KCNK2: variants seen among roughly 807,000 people sequenced by gnomAD.
The protein encoded by KCNK2 is potassium two pore domain channel subfamily K member 2, also known as potassium channel subfamily K member 2.
Under a neutral mutation model 40.5 loss-of-function variants are expected in KCNK2, and 21 were observed. That is an observed-to-expected ratio of 0.52 (90% CI 0.37 to 0.75). The LOEUF (loss-of-function observed/expected upper bound fraction) is 0.75, where lower values mean the gene tolerates loss of function less well. KCNK2 is among the 30% of genes least tolerant of loss of function. The probability of loss-of-function intolerance (pLI) is 0.00; values close to 1 mark genes in which losing one functional copy is unlikely to be tolerated. For synonymous variants in KCNK2, 191 were observed against 202.2 expected (o/e 0.94, Z 0.47); for missense variants, 399 against 531.6 (o/e 0.75, Z 2.45).
intron 1 of KCNK2, among the ~76,000 whole-genome samples, chr1:215,054,960 A>C (rs552489726): frequency 6.6e-6 from 1 of 152,374 alleles, no homozygotes; most frequent in South Asian, 2.1e-4. Context: ...ACACAACTCA[A>C]GTGTTAAATC....
At chr1:215,165,885 C>T (rs966413755) in intron 3 of KCNK2, among the ~76,000 whole-genome samples, 4 of 152,082 alleles carry the variant, frequency 2.6e-5, no homozygotes, top group African/African-American at 9.7e-5. Context: ...GGTCACATAA[C>T]TAAGGAATGA....
At chr1:215,200,539 AAACTTTAGGG>A (rs1287460288) in intron 6 of KCNK2, among the ~76,000 whole-genome samples, 3 of 44,854 alleles carry the variant, frequency 6.7e-5, no homozygotes, top group Non-Finnish European at 4.6e-4. Context: ...TTTATTCAGA[AAACTTTAGGG>A]AGCCATTGAA....
upstream of KCNK2, chr1:215,005,663 T>C (rs1371988203): frequency 2.5e-6 from 1 of 403,892 alleles, no homozygotes. Context: ...ATCAGGGAAT[T>C]TCTTCCTGAA....
intron 6 of KCNK2, among the ~76,000 whole-genome samples, chr1:215,210,120 TATAA>T (rs1380533375): frequency 5.1e-5 from 4 of 78,782 alleles, no homozygotes; most frequent in Non-Finnish European, 7.2e-5. Flanking sequence ...ACATACTATA[TATAA>T]ATATACACTA....
chr1:215,101,961 A>T (rs1463266475), intron 2 of KCNK2, among the ~76,000 whole-genome samples: 1 of 151,876 alleles, frequency 6.6e-6, no homozygotes, highest in Admixed American at 6.6e-5. Context: ...CCATTATGTT[A>T]TTTTGTTTTA....
chr1:215,175,665 A>C (rs1571696408), intron 5 of KCNK2, among the ~76,000 whole-genome samples: 1 of 151,916 alleles, frequency 6.6e-6, no homozygotes, highest in Non-Finnish European at 1.5e-5. Flanking sequence ...TTCCCACTCT[A>C]GTGGTCCCCA....
At chr1:215,113,490 T>C (rs1660791838) in intron 2 of KCNK2, among the ~76,000 whole-genome samples, 1 of 152,230 alleles carries the variant, frequency 6.6e-6, no homozygotes, top group African/African-American at 2.4e-5. Flanking sequence ...AGTAACACTA[T>C]ATGCATAATG....
At chr1:215,073,832 T>C (rs1448024185) in intron 1 of KCNK2, among the ~76,000 whole-genome samples, 1 of 152,204 alleles carries the variant, frequency 6.6e-6, no homozygotes, top group East Asian at 1.9e-4. Flanking sequence ...TGATAGATGT[T>C]ACTTAATATT....
At chr1:215,068,766 A>G (rs562816624) in intron 1 of KCNK2, among the ~76,000 whole-genome samples, 59 of 152,330 alleles carry the variant, frequency 3.9e-4, no homozygotes, top group African/African-American at 1.3e-3. Context: ...CAGGTATAAC[A>G]TATGAGTCTT....
Position 215,083,194 on chromosome 1 carries a change from T to TCCCCCCCCGCCCCCCC in KCNK2, c.-184_-183insGCCCCCCCCCCCCCCC. On this transcript the variant is annotated 5_prime_UTR_variant, in exon 1 of 7. Coordinates refer to ENST00000444842, the MANE Select transcript of KCNK2 (RefSeq NM_001017425.3). The stretch of plus-strand genomic sequence containing the variant: ...CCCGCGATTTCGTTTCTTCTCACGC[T>TCCCCCCCCGCCCCCCC]CCCCCCCCCGCCCCCTCCCGCGTCC... 1 of 501,814 alleles carries TCCCCCCCCGCCCCCCC rather than the reference T, an allele frequency of 2.0e-6. No homozygotes were observed. The highest frequency in any genetic ancestry group is 2.0e-5 in the South Asian group (1 of 49,324). 31.1% of individuals were successfully genotyped at this position (501,814 alleles called of 1,614,324 possible). A position where few individuals can be genotyped will look rare whatever the true frequency, so the allele number is the denominator to read the frequency against.
intron 1 of KCNK2, among the ~76,000 whole-genome samples, chr1:215,055,397 C>G (rs1330170357): frequency 6.6e-6 from 1 of 152,180 alleles, no homozygotes; most frequent in Non-Finnish European, 1.5e-5. Context: ...GAATGTTGCA[C>G]TGCTCATTGG....
intron 6 of KCNK2, among the ~76,000 whole-genome samples, chr1:215,210,721 A>G (rs1017202994): frequency 6.6e-6 from 1 of 152,172 alleles, no homozygotes; most frequent in African/African-American, 2.4e-5. Flanking sequence ...TGTACTAATA[A>G]TCACTACAGG....
At chr1:215,076,761 C>A (rs576309655) in intron 1 of KCNK2, among the ~76,000 whole-genome samples, 1 of 152,274 alleles carries the variant, frequency 6.6e-6, no homozygotes, top group African/African-American at 2.4e-5. Context: ...TACTATGAGG[C>A]AGGAATCATT....
chr1:215,022,136 T>TATCTATCTAATC lies in KCNK2; in HGVS notation c.34+16182_34+16193dup, dbSNP rs1553255824. Reference sequence around the variant, plus strand: ...CTATCTATCTATCTATCTAATCATCTATCTATCTAATCCATCTATCTATCC... The same window carrying TATCTATCTAATC: ...CTATCTATCTATCTATCTAATCATCTATCTATCTAATCATCTATCTAATCCATCTATCTATCC... On this transcript the variant is annotated intron_variant, in intron 1 of 6. Transcript: ENST00000391895. Among the ~76,000 whole-genome samples the TATCTATCTAATC allele has an allele frequency of 1.2e-3, 178 of 151,170 alleles. 3 individuals carry two copies. In the South Asian group the frequency reaches 0.024, roughly 20 times the overall value.
chr1:215,129,718 G>C (rs1411946127), intron 3 of KCNK2, among the ~76,000 whole-genome samples: 1 of 152,174 alleles, frequency 6.6e-6, no homozygotes, highest in African/African-American at 2.4e-5. Flanking sequence ...GGAGAAAGAA[G>C]TGAGGTTAGA....
chr1:215,053,887 A>G (rs1384051471), intron 1 of KCNK2, among the ~76,000 whole-genome samples: 2 of 152,178 alleles, frequency 1.3e-5, no homozygotes, highest in Non-Finnish European at 2.9e-5. Flanking sequence ...GAACCTCTGG[A>G]GGCCGGGAGG....
chr1:215,049,357 A>C (rs1657899306), intron 1 of KCNK2, among the ~76,000 whole-genome samples: 1 of 152,116 alleles, frequency 6.6e-6, no homozygotes, highest in Non-Finnish European at 1.5e-5. Flanking sequence ...TTTTGTTTAC[A>C]CTGTTTTGAG....
chr1:215,059,047 A>G (rs773340265), intron 1 of KCNK2, among the ~76,000 whole-genome samples: 1 of 148,946 alleles, frequency 6.7e-6, no homozygotes, highest in Admixed American at 6.6e-5. Context: ...GTGTATGCAC[A>G]TATACATGTG....
chr1:215,146,988 A>T (rs1359070021), intron 3 of KCNK2, among the ~76,000 whole-genome samples: 3 of 152,200 alleles, frequency 2.0e-5, no homozygotes, highest in Non-Finnish European at 4.4e-5. Flanking sequence ...TTTATTGGTA[A>T]TGAAAATTAT....
Sources: allele counts gnomAD v4.1 joint callset (sites outside exome capture counted in the v4.1 genomes callset), GRCh38; gene constraint gnomAD v4.1.1; transcripts MANE v1.5; gene names NCBI Gene and HGNC (gene_info 2026-07-23, HGNC 2026-07-21).